The following XIRP2 variants were observed in gnomAD, a reference collection of about 807,000 sequenced individuals.
XIRP2 encodes the protein xin actin-binding repeat-containing protein 2.
In XIRP2, 236 loss-of-function variants were observed where a neutral mutation model predicts 277.0. That is an observed-to-expected ratio of 0.85 (90% CI 0.77 to 0.95). The LOEUF is 0.95. Ranked by LOEUF, XIRP2 falls within the 40% of genes least tolerant of loss-of-function variation. The probability of loss-of-function intolerance (pLI) is 0.00; values close to 1 mark genes in which losing one functional copy is unlikely to be tolerated. For missense variants in XIRP2, 4,640 were observed against 4,157.5 expected (o/e 1.12, Z -3.19); for synonymous variants, 1,490 against 1,416.5 (o/e 1.05, Z -1.17).
In XIRP2 at chr2:167,244,708, C is replaced by T; in HGVS notation, c.3316C>T (p.Leu1106Phe). Residue 1106 changes from leucine to phenylalanine, a missense_variant, in exon 9 of 11, where the codon CTT becomes TTT. By Grantham distance (22) the Leu-to-Phe change is conservative. Transcript: ENST00000409195. ...TTTTGAGACCCAGCCAATGGAGTCTCTTTATGAAAAAGTTTCGTTAATGAC... is the reference window on the plus strand; with the variant it reads ...TTTTGAGACCCAGCCAATGGAGTCTTTTTATGAAAAAGTTTCGTTAATGAC... ...WLFETQPMES[L>F]YEKVSLMTSS... 2 of 1,613,220 alleles carry T rather than the reference C, an allele frequency of 1.2e-6. No homozygotes were observed. Among genetic ancestry groups the T allele is most frequent in the East Asian group, 2.2e-5 (1 of 44,818 alleles).
At chr2:167,092,754 A>G (rs1690182228) in intron 2 of XIRP2, among the ~76,000 whole-genome samples, 1 of 152,144 alleles carries the variant, frequency 6.6e-6, no homozygotes, top group African/African-American at 2.4e-5. Context: ...GATGGGCTCT[A>G]AGAAAGATAC....
At chr2:166,893,081 C>G (rs1684149602) in intron 1 of XIRP2, among the ~76,000 whole-genome samples, 1 of 151,328 alleles carries the variant, frequency 6.6e-6, no homozygotes, top group African/African-American at 2.4e-5. Flanking sequence ...TAATTTAAAA[C>G]AGAGATGACT....
At chr2:167,257,820 A>T (rs776291384) in intron 10 of XIRP2, 37 bp from the exon 11 acceptor site, 1 of 1,545,196 alleles carries the variant, frequency 6.5e-7, no homozygotes, top group Non-Finnish European at 8.7e-7. Context: ...ACTTACAGTA[A>T]ATACGAACTG....
intron 5 of XIRP2, among the ~76,000 whole-genome samples, chr2:167,227,476 G>A (rs1338498833): frequency 6.6e-6 from 1 of 152,100 alleles, no homozygotes; most frequent in Admixed American, 6.6e-5. Flanking sequence ...CAAGGTGGGA[G>A]GATCGTTTGA....
rs377574544 is a variant in XIRP2, at chr2:167,251,465, G to A, written c.10073G>A (p.Gly3358Glu). The A allele has an allele frequency of 4.2e-5, 67 of 1,613,502 alleles. No homozygotes were observed. The highest frequency in any genetic ancestry group is 3.3e-4 in the Middle Eastern group (2 of 6,072). ...TCAAATAGAAGAGTTTATGCAAAGG[G>A]AGAAACAAACCATAACATACAACAA... is the stretch of plus-strand genomic sequence containing the variant. ...AKSNRRVYAK[G>E]ETNHNIQQES... The change falls in exon 9 of 11, where the codon GGA becomes GAA. Residue 3358 changes from glycine (G) to glutamate (E), a missense_variant. Physicochemically the swap from Gly to Glu is moderately conservative, Grantham distance 98 (BLOSUM62 -2). Transcript: ENST00000409195.
chr2:166,900,728 T>A lies in XIRP2; in HGVS notation c.-18-2737T>A, dbSNP rs570164387. Among the ~76,000 whole-genome samples the A allele has an allele frequency of 9.9e-4, 150 of 152,230 alleles. 3 individuals carry two copies. In the South Asian group the frequency reaches 0.028, roughly 29 times the overall value. On this transcript the variant is annotated intron_variant, in intron 1 of 10. Transcript: ENST00000409195. ...GCTGGAAAGTTGGGAGGCCCCTCTT[T>A]ATTGCTCTCCTTGTAGCCTTCACTG...
intron 5 of XIRP2, among the ~76,000 whole-genome samples, chr2:167,228,319 C>T (rs7602109): frequency 0.18 from 26,624 of 152,130 alleles, 3,027 homozygotes; most frequent in African/African-American, 0.32. Flanking sequence ...TCACCTTCTT[C>T]CTGCAGAACC....
At chr2:166,941,588 G>T (rs114278293) in intron 2 of XIRP2, among the ~76,000 whole-genome samples, 6 of 152,084 alleles carry the variant, frequency 3.9e-5, no homozygotes, top group African/African-American at 1.4e-4. Context: ...TCTTGGAACC[G>T]CCCCTGCCAG....
intron 2 of XIRP2, among the ~76,000 whole-genome samples, chr2:167,003,652 AAAGT>A (rs891407253): frequency 6.6e-6 from 1 of 151,868 alleles, no homozygotes; most frequent in Admixed American, 6.6e-5. Context: ...GCTCCTAAAG[AAAGT>A]GACACAGAAT....
chr2:167,181,490 G>C (rs1693006797), intron 3 of XIRP2, among the ~76,000 whole-genome samples: 1 of 151,764 alleles, frequency 6.6e-6, no homozygotes, highest in South Asian at 2.1e-4. Flanking sequence ...AATTCTTACT[G>C]TCTCTCTCTC....
chr2:167,235,150 T>G (rs918562628), intron 5 of XIRP2, among the ~76,000 whole-genome samples: 1 of 151,824 alleles, frequency 6.6e-6, no homozygotes, highest in African/African-American at 2.4e-5. Context: ...GGGCTTCTAG[T>G]GTATTTATTG....
intron 2 of XIRP2, among the ~76,000 whole-genome samples, chr2:166,919,264 T>C (rs1403812439): frequency 6.6e-6 from 1 of 152,310 alleles, no homozygotes; most frequent in Admixed American, 6.5e-5. Context: ...TAGTGGTGAG[T>C]GAATGTTATA....
intron 5 of XIRP2, among the ~76,000 whole-genome samples, chr2:167,233,689 T>C (rs1694822094): frequency 6.6e-6 from 1 of 151,778 alleles, no homozygotes; most frequent in South Asian, 2.1e-4. Flanking sequence ...CCTCTGTTTT[T>C]CTTTTTCTTT....
Position 166,985,896 on chromosome 2 carries a change from G to A in XIRP2, c.408+82006G>A, listed in dbSNP as rs375540803. Among the ~76,000 whole-genome samples the A allele has an allele frequency of 6.9e-4, 105 of 152,224 alleles. 1 individual carries two copies. Among genetic ancestry groups the A allele is most frequent in the African/African-American group, 2.5e-3 (103 of 41,534 alleles). The stretch of plus-strand genomic sequence containing the variant: ...CTAAAATCAGGTGATCTCCTCATCT[G>A]GGAAGAAAAGATACAAGTCCAAGGC... On this transcript the variant is annotated intron_variant, in intron 2 of 10. Coordinates refer to ENST00000409195, the MANE Select transcript of XIRP2 (RefSeq NM_152381.6).
intron 3 of XIRP2, among the ~76,000 whole-genome samples, chr2:167,201,225 A>AG (rs1693689306): frequency 4.5e-5 from 5 of 111,862 alleles, no homozygotes; most frequent in Admixed American, 2.6e-4. Flanking sequence ...AAAGAAAGAA[A>AG]GAAAGAAAGA....
intron 2 of XIRP2, among the ~76,000 whole-genome samples, chr2:166,922,090 A>G (rs544803737): frequency 2.0e-5 from 3 of 152,152 alleles, no homozygotes; most frequent in Non-Finnish European, 4.4e-5. Flanking sequence ...TTTTGGTAAC[A>G]AGCTATGTCT....
chr2:167,246,860 A>G lies in XIRP2; in HGVS notation c.5468A>G (p.Glu1823Gly). Residue 1823 changes from glutamate to glycine, a missense_variant, in exon 9 of 11, where the codon GAG becomes GGG. By Grantham distance (98) the Glu-to-Gly change is moderately conservative. Transcript: ENST00000409195. ...VHNTVKVFMT[E>G]PQSTFGKIPK... is the part of the protein sequence containing the mutation. ...AACACAGTTAAGGTTTTTATGACCG[A>G]GCCTCAGAGTACATTTGGTAAGATA... 6.2e-7 allele frequency: 1 copy of G among 1,613,880 alleles called. No individual in the cohort carries two copies. The highest frequency in any genetic ancestry group is 8.5e-7 in the Non-Finnish European group (1 of 1,179,852).
At chr2:167,195,303 C>T (rs1213401584) in intron 3 of XIRP2, among the ~76,000 whole-genome samples, 1 of 152,212 alleles carries the variant, frequency 6.6e-6, no homozygotes, top group East Asian at 1.9e-4. Flanking sequence ...ACCCTAATGA[C>T]TCCAGTCTCT....
At chr2:167,180,307 C>T (rs58424143) in intron 3 of XIRP2, among the ~76,000 whole-genome samples, 15,017 of 152,112 alleles carry the variant, frequency 0.099, 800 homozygotes, top group South Asian at 0.16. Flanking sequence ...GCTCTTTCCT[C>T]CTCTGAAACA....
Sources: allele counts gnomAD v4.1 joint callset (sites outside exome capture counted in the v4.1 genomes callset), GRCh38; gene constraint gnomAD v4.1.1; transcripts MANE v1.5; gene names NCBI Gene and HGNC (gene_info 2026-07-23, HGNC 2026-07-21).